The following FAM161B variants were observed in gnomAD, a reference collection of about 807,000 sequenced individuals.
The protein encoded by FAM161B is protein FAM161B.
Under a neutral mutation model 61.5 loss-of-function variants are expected in FAM161B, and 46 were observed. That is an observed-to-expected ratio of 0.75 (90% CI 0.59 to 0.96). The LOEUF (loss-of-function observed/expected upper bound fraction) is 0.96, where lower values mean the gene tolerates loss of function less well. FAM161B is among the 40% of genes least tolerant of loss of function. The probability of loss-of-function intolerance (pLI) is 0.00; values close to 1 mark genes in which losing one functional copy is unlikely to be tolerated. For synonymous variants in FAM161B, 284 were observed against 302.7 expected (o/e 0.94, Z 0.64); for missense variants, 774 against 800.7 (o/e 0.97, Z 0.40).
At chr14:73,935,920 T>G (rs1464156919) in intron 8 of FAM161B, 29 bp downstream of exon 8, 2 of 1,596,488 alleles carry the variant, frequency 1.3e-6, no homozygotes, top group Admixed American at 3.4e-5. Context: ...TTTAGAGAGC[T>G]GCAGAATGAC....
At chr14:73,931,942 C>T (rs967380095), downstream of FAM161B, 43 of 457,400 alleles carry the variant, frequency 9.4e-5, no homozygotes, top group Non-Finnish European at 1.9e-4. Context: ...CTGCTACCAA[C>T]AACAGAGCTT....
intron 1 of FAM161B, among the ~76,000 whole-genome samples, chr14:73,949,614 C>T (rs1334241876): frequency 3.9e-5 from 6 of 151,978 alleles, no homozygotes; most frequent in Non-Finnish European, 8.8e-5. Flanking sequence ...CCGCCTCGGC[C>T]TCCCAAAGTG....
chr14:73,939,577 C>T (rs1439786693), intron 5 of FAM161B, among the ~76,000 whole-genome samples: 2 of 152,196 alleles, frequency 1.3e-5, no homozygotes, highest in East Asian at 3.9e-4. Flanking sequence ...ACCTCTGACT[C>T]CGAAGCCTCT....
chr14:73,934,139 T>G lies in FAM161B; in HGVS notation c.*117A>C. 1 of 1,269,596 alleles carries G rather than the reference T, an allele frequency of 7.9e-7. No individual in the cohort carries two copies. Among genetic ancestry groups the G allele is most frequent in the Non-Finnish European group, 1.1e-6 (1 of 926,386 alleles). 78.6% of individuals were successfully genotyped at this position (1,269,596 alleles called of 1,614,324 possible). On this transcript the variant is annotated 3_prime_UTR_variant, in exon 9 of 9. Transcript: ENST00000286544. ...GCCTGGCCTGTTAATCTGCTACTCT[T>G]CATTTGTCCATCCTCTAACAGTAGC... is the stretch of plus-strand genomic sequence containing the variant.
downstream of FAM161B, among the ~76,000 whole-genome samples, chr14:73,928,339 T>A (rs2055864347): frequency 6.6e-6 from 1 of 151,888 alleles, no homozygotes; most frequent in Admixed American, 6.6e-5. Context: ...TGTGGAACTG[T>A]AAATAGGGTT....
chr14:73,926,578 G>T (rs953837542), downstream of FAM161B, among the ~76,000 whole-genome samples: 2 of 152,004 alleles, frequency 1.3e-5, no homozygotes, highest in Non-Finnish European at 2.9e-5. Context: ...GGGATTACAG[G>T]CACCTGCCAC....
chr14:73,935,855 A>C (rs2055967300), intron 8 of FAM161B, 94 bp downstream of exon 8: 1 of 1,376,150 alleles, frequency 7.3e-7, no homozygotes, highest in Admixed American at 2.4e-5. Flanking sequence ...TATGATCTCA[A>C]AATACCAGTG....
chr14:73,941,122 T>C, intron 4 of FAM161B, 69 bp from the exon 5 acceptor site: 1 of 1,489,600 alleles, frequency 6.7e-7, no homozygotes, highest in Non-Finnish European at 8.9e-7. Flanking sequence ...TTTTTTTTTT[T>C]TTTTTTTTGA....
downstream of FAM161B, among the ~76,000 whole-genome samples, chr14:73,929,852 T>A (rs1206759862): frequency 6.6e-6 from 1 of 151,674 alleles, no homozygotes; most frequent in Non-Finnish European, 1.5e-5. Context: ...GGGAAAAATA[T>A]CAGAAACTAC....
chr14:73,942,825 A>AGGAACTTTTCAGGAATTC, intron 3 of FAM161B, 110 bp from the exon 4 acceptor site: 1 of 993,546 alleles, frequency 1.0e-6, no homozygotes, highest in South Asian at 1.7e-5. Flanking sequence ...GGAGGCAAGT[A>AGGAACTTTTCAGGAATTC]GGAACTTTTC....
At chr14:73,949,915 C>A in intron 1 of FAM161B, 58 bp downstream of exon 1, 2 of 1,604,472 alleles carry the variant, frequency 1.2e-6, no homozygotes, top group African/African-American at 1.3e-5. Flanking sequence ...CAAGGCAACG[C>A]CCAACAGTTT....
Position 73,938,004 on chromosome 14 carries a change from G to A in FAM161B, c.1509C>T (p.Ala503=), listed in dbSNP as rs2140343311. The A allele has an allele frequency of 6.2e-7, 1 of 1,614,194 alleles. No homozygotes were observed. The highest frequency in any genetic ancestry group is 2.2e-5 in the East Asian group (1 of 44,884). ...CCTCCAGGCTTTTATGGGGATCCAT[G>A]GCTTTTGCACGCAAGGTCACAGATT... The part of the protein sequence containing the change: ...MSKSVTLRAK[A]MDPHKSLEEV... The change falls in exon 6 of 9, where the codon GCC becomes GCT. Residue 503 remains alanine (A), a synonymous_variant. Coordinates refer to ENST00000286544, the MANE Select transcript of FAM161B (RefSeq NM_152445.3).
intron 5 of FAM161B, 144 bp downstream of exon 5, chr14:73,940,782 G>C (rs898932465): frequency 1.7e-6 from 2 of 1,166,540 alleles, no homozygotes; most frequent in Non-Finnish European, 2.3e-6. Flanking sequence ...GTGGAGAACC[G>C]CAATTGTTCC....
intron 1 of FAM161B, among the ~76,000 whole-genome samples, chr14:73,949,061 G>A (rs1033147876): frequency 6.6e-6 from 1 of 152,062 alleles, no homozygotes; most frequent in Non-Finnish European, 1.5e-5. Context: ...TAGGACTACA[G>A]GCGCGCACCA....
At chr14:73,924,345 C>A in the FAM161B span, among the ~76,000 whole-genome samples, 2 of 152,192 alleles carry the variant, frequency 1.3e-5, no homozygotes, top group African/African-American at 4.8e-5. Flanking sequence ...ACCTGCTGCT[C>A]ACCTCCTGCT....
intron 3 of FAM161B, 51 bp from the exon 4 acceptor site, chr14:73,942,766 CA>C: frequency 6.5e-7 from 1 of 1,533,570 alleles, no homozygotes; most frequent in Non-Finnish European, 8.9e-7. Context: ...AAGAAACCTA[CA>C]GGGTTGGAGA....
rs570910088 is a variant in FAM161B at position 73,946,677 on chromosome 14, G to A, written c.55-72C>T. 1.4e-4 allele frequency: 214 copies of A among 1,498,964 alleles called. No homozygotes were observed. The African/African-American group carries it at 1.5e-3, about 11-fold the overall frequency. The allele number at this position is 1,498,964 out of a possible 1,614,324, so 92.9% of individuals were successfully genotyped here. A position where few individuals can be genotyped will look rare whatever the true frequency, so the allele number is the denominator to read the frequency against. On this transcript the variant is annotated intron_variant, in intron 1 of 8. Coordinates refer to ENST00000286544, the MANE Select transcript of FAM161B (RefSeq NM_152445.3). ...GGTATTCAAATCATAACTTAATTTC[G>A]CTTTGAATAAGCTTCTGTATATTAG...
chr14:73,946,885 A>G (rs979082891), intron 1 of FAM161B, among the ~76,000 whole-genome samples: 1 of 152,196 alleles, frequency 6.6e-6, no homozygotes, highest in Non-Finnish European at 1.5e-5. Context: ...TTGGTTCCCT[A>G]TGCCATACAG....
At chr14:73,923,954 C>T in the FAM161B span, among the ~76,000 whole-genome samples, 1 of 152,124 alleles carries the variant, frequency 6.6e-6, no homozygotes, top group Admixed American at 6.6e-5. Context: ...CCTAGAGATC[C>T]CTTTCTTTTC....
Sources: gnomAD v4.1 joint callset for allele counts (sites outside exome capture counted in the v4.1 genomes callset) on GRCh38, gnomAD v4.1.1 for gene constraint, MANE v1.5 for transcripts, NCBI Gene and HGNC (gene_info 2026-07-23, HGNC 2026-07-21) for gene names.